The following PDZD2 variants were observed in gnomAD, a reference collection of about 807,000 sequenced individuals.
PDZD2 encodes PDZ domain-containing protein 2.
A neutral mutation model predicts 220.7 loss-of-function variants in PDZD2; 90 were observed. That is an observed-to-expected ratio of 0.41 (90% confidence interval 0.34 to 0.49). PDZD2 has a LOEUF of 0.49. Ranked by LOEUF, PDZD2 falls within the 20% of genes least tolerant of loss-of-function variation. PDZD2 has a pLI of 0.28. For synonymous variants in PDZD2, 1,375 were observed against 1,450.5 expected (o/e 0.95, Z 1.18); for missense variants, 3,174 against 3,608.5 (o/e 0.88, Z 3.08).
intron 2 of PDZD2, chr5:31,855,148 A>C (rs1758333322): frequency 1.0e-6 from 1 of 981,180 alleles, no homozygotes; most frequent in South Asian, 4.7e-5. Context: ...GAACCCTCCG[A>C]AGGTGACTTC....
At chr5:31,695,515 T>G (rs933229299) in intron 1 of PDZD2, among the ~76,000 whole-genome samples, 4 of 152,194 alleles carry the variant, frequency 2.6e-5, no homozygotes, top group Non-Finnish European at 5.9e-5. Flanking sequence ...ATATTGACAG[T>G]TTGTTCATCA....
chr5:31,885,744 AT>A lies in PDZD2; in HGVS notation c.476+86028del, dbSNP rs960205718. Among the ~76,000 whole-genome samples the A allele has an allele frequency of 8.5e-5, 13 of 152,162 alleles. 1 individual carries two copies. In the East Asian group the frequency reaches 2.1e-3, roughly 25 times the overall value. On this transcript the variant is annotated intron_variant, in intron 2 of 24. Coordinates refer to ENST00000438447, the MANE Select transcript of PDZD2 (RefSeq NM_178140.4). ...TATGTAGCCATTAAGTCAAGTGATG[AT>A]TTTTTTTCTATACGAATATAGCATT...
chr5:31,917,183 C>T (rs1376435135), intron 2 of PDZD2, among the ~76,000 whole-genome samples: 2 of 152,122 alleles, frequency 1.3e-5, no homozygotes, highest in African/African-American at 2.4e-5. Flanking sequence ...AGGATTGGGA[C>T]GATTATTGCA....
chr5:32,004,533 G>A (rs1752657937), intron 5 of PDZD2, among the ~76,000 whole-genome samples: 1 of 152,244 alleles, frequency 6.6e-6, no homozygotes, highest in Non-Finnish European at 1.5e-5. Context: ...CAAGGCTGCA[G>A]TGAGCCGTGG....
At position 32,000,623 on chromosome 5, in the gene PDZD2, G is replaced by T. The variant is rs1037762166; in HGVS notation, c.1254+352G>T. Among the ~76,000 whole-genome samples, 1 of 152,108 alleles carries T rather than the reference G, an allele frequency of 6.6e-6. No individual in the cohort carries two copies. Among genetic ancestry groups the T allele is most frequent in the African/African-American group, 2.4e-5 (1 of 41,390 alleles). On this transcript the variant is annotated intron_variant, in intron 5 of 24. Transcript: ENST00000438447. This position sits in a 1 kb window ranked among gnomAD's most constrained non-coding sequence, Gnocchi z 4.5. ...CCTTCCGGATTCAAGCAGTTCTCCTGCCTCAGCCTCCCAAGTAGCTAGGAT... is the reference window on the plus strand; with the variant it reads ...CCTTCCGGATTCAAGCAGTTCTCCTTCCTCAGCCTCCCAAGTAGCTAGGAT...
At chr5:31,672,072 C>T (rs989958382) in intron 1 of PDZD2, among the ~76,000 whole-genome samples, 1 of 152,122 alleles carries the variant, frequency 6.6e-6, no homozygotes, top group Non-Finnish European at 1.5e-5. Context: ...CCACTAGGTG[C>T]CATTAGCACC....
At chr5:31,819,129 C>T (rs541806235) in intron 2 of PDZD2, among the ~76,000 whole-genome samples, 1 of 152,352 alleles carries the variant, frequency 6.6e-6, no homozygotes, top group Admixed American at 6.5e-5. Context: ...TCTACAAGTA[C>T]TCTGTTAATG....
At chr5:32,065,905 A>G (rs944439447) in intron 14 of PDZD2, among the ~76,000 whole-genome samples, 4 of 152,106 alleles carry the variant, frequency 2.6e-5, no homozygotes, top group Non-Finnish European at 5.9e-5. Flanking sequence ...AGGCGCCTGT[A>G]ATCCCAGCTA....
At chr5:31,860,719 A>G (rs768461016) in intron 2 of PDZD2, among the ~76,000 whole-genome samples, 10 of 152,192 alleles carry the variant, frequency 6.6e-5, no homozygotes, top group Non-Finnish European at 1.3e-4. Flanking sequence ...TCCTGTTGGC[A>G]TGGTAGCGTC....
rs115124055 is a variant in PDZD2, at chr5:31,909,490, G to A, written c.477-73665G>A. The stretch of plus-strand genomic sequence containing the variant: ...GATAACAGTTTGAATTTTCTACGCT[G>A]ATTAAAAAAAGAGAAGAACATTTTC... On this transcript the variant is annotated intron_variant, in intron 2 of 24. Coordinates refer to ENST00000438447, the MANE Select transcript of PDZD2 (RefSeq NM_178140.4). 5.0e-3 allele frequency among the ~76,000 whole-genome samples: 767 copies of A among 152,052 alleles called. 8 individuals carry two copies. Among genetic ancestry groups the A allele is most frequent in the African/African-American group, 0.018 (731 of 41,494 alleles).
chr5:31,789,733 A>G (rs1390476187), intron 1 of PDZD2, among the ~76,000 whole-genome samples: 1 of 152,200 alleles, frequency 6.6e-6, no homozygotes, highest in Admixed American at 6.5e-5. Flanking sequence ...AGCCTGGCCA[A>G]CGTGGTGAAA....
chr5:31,886,100 T>C (rs1037013060), intron 2 of PDZD2, among the ~76,000 whole-genome samples: 1 of 152,138 alleles, frequency 6.6e-6, no homozygotes, highest in South Asian at 2.1e-4. Flanking sequence ...GGTTTCACCA[T>C]GTTGGCCAGG....
chr5:31,995,620 G>A lies in PDZD2; in HGVS notation c.1023G>A (p.Ser341=), dbSNP rs376511682. 5.6e-5 allele frequency: 90 copies of A among 1,614,144 alleles called. No homozygotes were observed. The highest frequency in any genetic ancestry group is 6.9e-5 in the Non-Finnish European group (82 of 1,180,010). Residue 341 remains serine (S), a synonymous_variant, in exon 4 of 25, where the codon TCG becomes TCA. Coordinates refer to ENST00000438447, the MANE Select transcript of PDZD2 (RefSeq NM_178140.4). ...GGAAGATGGAGCTGCTCAAAGAATC[G>A]GATGGGCTGGGAATTCAGGTTAGTG... ...RIWKMELLKE[S]DGLGIQVSGG...
At chr5:32,010,656 T>G (rs749109045) in intron 6 of PDZD2, 174 bp downstream of exon 6, 1 of 701,894 alleles carries the variant, frequency 1.4e-6, no homozygotes, top group South Asian at 1.5e-5. Flanking sequence ...TCTGTGAGGG[T>G]GATATTTTTC....
chr5:31,833,928 G>T (rs1756788929), intron 2 of PDZD2, among the ~76,000 whole-genome samples: 1 of 152,224 alleles, frequency 6.6e-6, no homozygotes, highest in Admixed American at 6.5e-5. Flanking sequence ...GCAGTGCAGG[G>T]TGGTTGAGAG....
At chr5:31,727,861 G>C (rs915276564) in intron 1 of PDZD2, among the ~76,000 whole-genome samples, 3 of 151,436 alleles carry the variant, frequency 2.0e-5, no homozygotes, top group African/African-American at 7.3e-5. Context: ...AAATTTTGCC[G>C]GGTGTGGTGT....
At chr5:31,822,274 T>A (rs1216772659) in intron 2 of PDZD2, among the ~76,000 whole-genome samples, 1 of 27,878 alleles carries the variant, frequency 3.6e-5, no homozygotes, top group Non-Finnish European at 9.4e-5. Context: ...ACGCAATCTT[T>A]TTTTTTTTTT....
chr5:32,010,987 A>AC, intron 6 of PDZD2, among the ~76,000 whole-genome samples: 1 of 122,482 alleles, frequency 8.2e-6, no homozygotes, highest in South Asian at 2.6e-4. Context: ...ACAGAGCGAG[A>AC]CTCCCTCTCC....
At chr5:31,689,353 A>ATT (rs1160111594) in intron 1 of PDZD2, among the ~76,000 whole-genome samples, 19 of 35,116 alleles carry the variant, frequency 5.4e-4, no homozygotes, top group Non-Finnish European at 7.1e-4. Flanking sequence ...ATATATATAT[A>ATT]TTTTTTTTTT....
Sources: gnomAD v4.1 joint callset for allele counts (sites outside exome capture counted in the v4.1 genomes callset) on GRCh38, gnomAD v4.1.1 for gene constraint, Gnocchi (gnomAD v3.1) non-coding constraint, MANE v1.5 for transcripts, NCBI Gene and HGNC (gene_info 2026-07-23, HGNC 2026-07-21) for gene names.